CAST: variants seen among roughly 807,000 people sequenced by gnomAD.
CAST encodes the protein MIR583 host.
CAST carries 76 observed loss-of-function variants against 119.6 expected under a neutral mutation model. The ratio of observed to expected loss-of-function variants is 0.64; its 90% CI spans 0.53 to 0.77. The LOEUF (loss-of-function observed/expected upper bound fraction) is 0.77, where lower values mean the gene tolerates loss of function less well. Among genes scored for constraint, CAST ranks in the 30% least tolerant of loss-of-function variants. The pLI, the probability that CAST is intolerant of heterozygous loss-of-function variation, is 0.00. For synonymous variants in CAST, 319 were observed against 331.6 expected (o/e 0.96, Z 0.41); for missense variants, 953 against 946.5 (o/e 1.01, Z -0.09).
At chr5:96,503,837 C>A in the CAST span, among the ~76,000 whole-genome samples, 2 of 152,196 alleles carry the variant, frequency 1.3e-5, no homozygotes, top group Non-Finnish European at 2.9e-5. Flanking sequence ...GCCTGCACCC[C>A]ACCTTTCATA....
the CAST span, among the ~76,000 whole-genome samples, chr5:96,498,731 A>G: frequency 6.6e-6 from 1 of 152,232 alleles, no homozygotes; most frequent in Non-Finnish European, 1.5e-5. Context: ...GAAACAATGA[A>G]CATCTTGTTG....
chr5:96,162,940 T>C, the CAST span, among the ~76,000 whole-genome samples: 1 of 152,218 alleles, frequency 6.6e-6, no homozygotes, highest in East Asian at 1.9e-4. Flanking sequence ...GAAATGTTTA[T>C]TTTTCTTCTA....
the CAST span, among the ~76,000 whole-genome samples, chr5:96,349,139 A>ATTTTTTTTTTTTTTTTTTTTTTTTTTTT: frequency 1.6e-3 from 146 of 89,554 alleles, 2 homozygotes; most frequent in East Asian, 3.2e-3. Context: ...CAAGGACACT[A>ATTTTTTTTTTTTTTTTTTTTTTTTTTTT]TTTTTTTTTT....
the CAST span, among the ~76,000 whole-genome samples, chr5:96,320,951 G>A: frequency 3.4e-3 from 513 of 152,200 alleles, 2 homozygotes; most frequent in South Asian, 6.9e-3. Flanking sequence ...TTGGTGAGTC[G>A]TCGCCATGAT....
chr5:96,262,478 T>G, the CAST span, among the ~76,000 whole-genome samples: 3 of 152,170 alleles, frequency 2.0e-5, no homozygotes, highest in Admixed American at 2.0e-4. Flanking sequence ...AGTAGCTGCT[T>G]AGGACTGAGT....
chr5:95,975,965 G>A, the CAST span, among the ~76,000 whole-genome samples: 1 of 152,038 alleles, frequency 6.6e-6, no homozygotes, highest in Admixed American at 6.6e-5. Context: ...CATGTTGGAG[G>A]CAAGATAGAA....
At chr5:96,747,858 A>G (rs1256194058) in intron 18 of CAST, among the ~76,000 whole-genome samples, 3 of 152,126 alleles carry the variant, frequency 2.0e-5, no homozygotes, top group South Asian at 2.1e-4. Flanking sequence ...CGGTACTGTT[A>G]TTATTCCCAT....
the CAST span, among the ~76,000 whole-genome samples, chr5:96,353,262 C>A: frequency 6.6e-6 from 1 of 151,914 alleles, no homozygotes; most frequent in Non-Finnish European, 1.5e-5. Flanking sequence ...AGAAACAAAC[C>A]CAAATTTTAT....
At chr5:96,768,124 C>A in intron 29 of CAST, 125 bp downstream of exon 29, 1 of 723,302 alleles carries the variant, frequency 1.4e-6, no homozygotes, top group Non-Finnish European at 2.4e-6. Flanking sequence ...TACTCTATAG[C>A]CCAGGCTGGA....
the CAST span, among the ~76,000 whole-genome samples, chr5:96,256,804 G>T: frequency 6.6e-5 from 10 of 151,922 alleles, no homozygotes; most frequent in Non-Finnish European, 1.2e-4. Context: ...TTATTTTCCT[G>T]TTATTATTTA....
chr5:96,400,550 T>G, the CAST span, among the ~76,000 whole-genome samples: 1 of 152,226 alleles, frequency 6.6e-6, no homozygotes, highest in Non-Finnish European at 1.5e-5. Flanking sequence ...CCCTCCAGTC[T>G]CATGCTGTCC....
the CAST span, among the ~76,000 whole-genome samples, chr5:96,447,083 G>A: frequency 1.3e-5 from 2 of 152,246 alleles, no homozygotes; most frequent in Admixed American, 6.5e-5. Context: ...GGGCATGAAT[G>A]CCTGGCTCCC....
chr5:96,677,285 A>G (rs1227079198), intron 2 of CAST, among the ~76,000 whole-genome samples: 1 of 152,214 alleles, frequency 6.6e-6, no homozygotes, highest in Non-Finnish European at 1.5e-5. Flanking sequence ...TTTCTTTTCC[A>G]ATATGGTCAA....
chr5:96,583,647 G>C (rs1746803415), intron 1 of CAST, among the ~76,000 whole-genome samples: 1 of 152,080 alleles, frequency 6.6e-6, no homozygotes, highest in South Asian at 2.1e-4. Flanking sequence ...ACAAATGTTA[G>C]TACCATTATT....
chr5:96,374,210 C>A, the CAST span, among the ~76,000 whole-genome samples: 1 of 152,046 alleles, frequency 6.6e-6, no homozygotes, highest in African/African-American at 2.4e-5. Flanking sequence ...TTTTCCAATT[C>A]AAAAAACAGG....
At chr5:96,338,948 C>G in the CAST span, among the ~76,000 whole-genome samples, 1 of 152,162 alleles carries the variant, frequency 6.6e-6, no homozygotes, top group Non-Finnish European at 1.5e-5. Flanking sequence ...TTGGAGTGCA[C>G]TGCCAGGCAT....
the CAST span, among the ~76,000 whole-genome samples, chr5:96,427,461 T>A: frequency 6.7e-4 from 102 of 152,182 alleles, no homozygotes; most frequent in Non-Finnish European, 1.4e-3. Context: ...AATTCAACCT[T>A]CCAATGCAAG....
chr5:96,451,772 A>G, the CAST span, among the ~76,000 whole-genome samples: 1 of 152,254 alleles, frequency 6.6e-6, no homozygotes, highest in Non-Finnish European at 1.5e-5. Context: ...TCCAGAATCT[A>G]TAAAGAACTT....
At chr5:96,658,543 G>C (rs1032529243), upstream of CAST, among the ~76,000 whole-genome samples, 15 of 152,146 alleles carry the variant, frequency 9.9e-5, no homozygotes, top group African/African-American at 3.1e-4. Context: ...GATTGGACAG[G>C]AGGTTGCTTC....
Sources: gnomAD v4.1 joint callset for allele counts (sites outside exome capture counted in the v4.1 genomes callset) on GRCh38, gnomAD v4.1.1 for gene constraint, MANE v1.5 for transcripts, NCBI Gene and HGNC (gene_info 2026-07-23, HGNC 2026-07-21) for gene names.